The following NELL1 variants were observed in gnomAD, a reference collection of about 807,000 sequenced individuals.
NELL1 encodes the protein neural EGFL like 1, also known as protein kinase C-binding protein NELL1.
In NELL1, 76 loss-of-function variants were observed where a neutral mutation model predicts 107.4. That is an observed-to-expected ratio of 0.71 (90% confidence interval 0.59 to 0.86). The LOEUF (loss-of-function observed/expected upper bound fraction) is 0.86, where lower values mean the gene tolerates loss of function less well. Ranked by LOEUF, NELL1 falls within the 40% of genes least tolerant of loss-of-function variation. The pLI, the probability that NELL1 is intolerant of heterozygous loss-of-function variation, is 0.00. For missense variants in NELL1, 1,024 were observed against 1,005.5 expected (o/e 1.02, Z -0.25); for synonymous variants, 353 against 341.2 (o/e 1.03, Z -0.38).
At chr11:20,959,318 A>G (rs1162654249) in intron 11 of NELL1, among the ~76,000 whole-genome samples, 2 of 152,212 alleles carry the variant, frequency 1.3e-5, no homozygotes, top group African/African-American at 4.8e-5. Context: ...CATTCCCACT[A>G]CTGGGTATCT....
chr11:21,099,517 C>T (rs552359800), intron 12 of NELL1, among the ~76,000 whole-genome samples: 6 of 152,226 alleles, frequency 3.9e-5, no homozygotes, highest in Admixed American at 1.3e-4. Flanking sequence ...TCGCTTAGGT[C>T]CCCAAGGCTG....
chr11:21,037,543 A>G (rs1340270080), intron 12 of NELL1, among the ~76,000 whole-genome samples: 1 of 152,114 alleles, frequency 6.6e-6, no homozygotes, highest in African/African-American at 2.4e-5. Context: ...ATGTATGCCT[A>G]GTTTTTTATA....
chr11:20,905,301 G>T (rs1050682666), intron 5 of NELL1, among the ~76,000 whole-genome samples: 2 of 152,090 alleles, frequency 1.3e-5, no homozygotes, highest in African/African-American at 4.8e-5. Flanking sequence ...GCAAACCCCA[G>T]TAAAGGGGCA....
intron 14 of NELL1, among the ~76,000 whole-genome samples, chr11:21,239,153 T>C (rs1326435502): frequency 2.0e-5 from 3 of 152,034 alleles, no homozygotes; most frequent in Non-Finnish European, 4.4e-5. Context: ...CTTACCATCT[T>C]CCCTGATATC....
intron 14 of NELL1, among the ~76,000 whole-genome samples, chr11:21,240,428 G>A (rs939809084): frequency 2.0e-5 from 3 of 151,992 alleles, no homozygotes; most frequent in Non-Finnish European, 4.4e-5. Context: ...CTAAGAGAAG[G>A]AAGAGTATTT....
At chr11:20,702,562 G>A (rs1283963991) in intron 2 of NELL1, among the ~76,000 whole-genome samples, 1 of 152,096 alleles carries the variant, frequency 6.6e-6, no homozygotes, top group Non-Finnish European at 1.5e-5. Flanking sequence ...TAGGAGTGGT[G>A]AGAGAGGGCA....
intron 15 of NELL1, among the ~76,000 whole-genome samples, chr11:21,503,574 G>A (rs7928751): frequency 0.087 from 13,217 of 152,152 alleles, 856 homozygotes; most frequent in East Asian, 0.29. Flanking sequence ...TGCTATTAAA[G>A]TACAATGATA....
At chr11:21,074,138 T>C (rs1475190823) in intron 12 of NELL1, among the ~76,000 whole-genome samples, 1 of 152,174 alleles carries the variant, frequency 6.6e-6, no homozygotes, top group African/African-American at 2.4e-5. Flanking sequence ...TTCTTGCGAC[T>C]CAAGATGTGG....
chr11:21,329,595 A>G (rs1384498774), intron 14 of NELL1, among the ~76,000 whole-genome samples: 1 of 152,196 alleles, frequency 6.6e-6, no homozygotes, highest in Admixed American at 6.5e-5. Context: ...TTCTATATAC[A>G]GTATAAATTA....
chr11:20,718,068 C>T (rs1483923244), intron 2 of NELL1, among the ~76,000 whole-genome samples: 1 of 152,138 alleles, frequency 6.6e-6, no homozygotes, highest in African/African-American at 2.4e-5. Context: ...TGTTCATTAC[C>T]ATTAAATTTC....
At chr11:21,255,777 GC>G (rs1313332901) in intron 14 of NELL1, among the ~76,000 whole-genome samples, 2 of 151,930 alleles carry the variant, frequency 1.3e-5, no homozygotes. Flanking sequence ...ATTAGCTTGT[GC>G]CTACCTATCC....
At chr11:21,248,574 A>G (rs976680559) in intron 14 of NELL1, among the ~76,000 whole-genome samples, 2 of 152,032 alleles carry the variant, frequency 1.3e-5, no homozygotes, top group Non-Finnish European at 2.9e-5. Flanking sequence ...TAGAAACTGG[A>G]TTACAGAGAA....
At chr11:21,193,349 C>T (rs746558272) in intron 13 of NELL1, among the ~76,000 whole-genome samples, 2 of 151,708 alleles carry the variant, frequency 1.3e-5, no homozygotes, top group Non-Finnish European at 1.5e-5. Flanking sequence ...TGAGATGATA[C>T]AGCAAATGTG....
intron 2 of NELL1, among the ~76,000 whole-genome samples, chr11:20,695,253 A>G (rs1854584256): frequency 6.6e-6 from 1 of 151,996 alleles, no homozygotes; most frequent in Admixed American, 6.6e-5. Flanking sequence ...GGATATTTGG[A>G]CTTTTTCTTT....
At chr11:20,866,632 C>A (rs796087452) in intron 4 of NELL1, among the ~76,000 whole-genome samples, 42 of 152,222 alleles carry the variant, frequency 2.8e-4, no homozygotes, top group African/African-American at 1.0e-3. Context: ...AAGGAAATGG[C>A]CATGGCATTT....
chr11:20,789,629 C>A (rs750193434), intron 3 of NELL1, among the ~76,000 whole-genome samples: 1 of 152,232 alleles, frequency 6.6e-6, no homozygotes, highest in African/African-American at 2.4e-5. Context: ...CAGTGAGTCC[C>A]AAGTTCTTGT....
intron 7 of NELL1, among the ~76,000 whole-genome samples, chr11:20,926,650 A>G (rs991580757): frequency 6.6e-6 from 1 of 152,164 alleles, no homozygotes; most frequent in Non-Finnish European, 1.5e-5. Context: ...CTCTGTGATT[A>G]TTGGCAATGA....
rs17232911 is a variant in NELL1, at chr11:21,000,395, G to C, written c.1300+39835G>C. Among the ~76,000 whole-genome samples the C allele has an allele frequency of 2.6e-5, 4 of 151,970 alleles. No individual in the cohort carries two copies. The East Asian group carries it at 7.7e-4, about 29-fold the overall frequency. On this transcript the variant is annotated intron_variant, in intron 12 of 19. Coordinates refer to ENST00000357134, the MANE Select transcript of NELL1 (RefSeq NM_006157.5). ...ACTTTGTCATTCAAATAATCTTTTCGGAACCCAGAGTTAAAATTTCCCAGA... is the reference window on the plus strand; with the variant it reads ...ACTTTGTCATTCAAATAATCTTTTCCGAACCCAGAGTTAAAATTTCCCAGA...
intron 2 of NELL1, among the ~76,000 whole-genome samples, chr11:20,714,103 C>T (rs1228027854): frequency 6.6e-6 from 1 of 150,672 alleles, no homozygotes; most frequent in Non-Finnish European, 1.5e-5. Context: ...GGTGGTTCTT[C>T]AAGCAAAAGT....
Sources: allele counts gnomAD v4.1 joint callset (sites outside exome capture counted in the v4.1 genomes callset), GRCh38; gene constraint gnomAD v4.1.1; transcripts MANE v1.5; gene names NCBI Gene and HGNC (gene_info 2026-07-23, HGNC 2026-07-21).